The following OSMR variants were observed in gnomAD, a reference collection of about 807,000 sequenced individuals.
OSMR encodes oncostatin M receptor, also known as oncostatin-M-specific receptor subunit beta.
In OSMR, 81 loss-of-function variants were observed where a neutral mutation model predicts 99.9. The ratio of observed to expected loss-of-function variants is 0.81; its 90% CI spans 0.68 to 0.97. The LOEUF (loss-of-function observed/expected upper bound fraction) is 0.97. Among genes scored for constraint, OSMR ranks in the 50% least tolerant of loss-of-function variants. The pLI, the probability that OSMR is intolerant of heterozygous loss-of-function variation, is 0.00. For synonymous variants in OSMR, 406 were observed against 410.4 expected (o/e 0.99, Z 0.13); for missense variants, 1,099 against 1,153.4 (o/e 0.95, Z 0.68).
chr5:38,921,949 G>C (rs1746256297), intron 12 of OSMR, among the ~76,000 whole-genome samples, 155 bp downstream of exon 12: 1 of 152,184 alleles, frequency 6.6e-6, no homozygotes, highest in African/African-American at 2.4e-5. Flanking sequence ...GATGTTACAA[G>C]AATATGTTCT....
chr5:38,861,967 G>T (rs1253802492), intron 1 of OSMR, among the ~76,000 whole-genome samples: 2 of 131,900 alleles, frequency 1.5e-5, no homozygotes, highest in Admixed American at 1.4e-4. Context: ...TGGCCGGGCG[G>T]GGGACTGACC....
At chr5:38,893,676 G>A (rs192134803) in intron 7 of OSMR, among the ~76,000 whole-genome samples, 4 of 152,250 alleles carry the variant, frequency 2.6e-5, no homozygotes, top group Admixed American at 1.3e-4. Context: ...ATGGCATTAT[G>A]TAAAGCCACT....
At chr5:38,930,264 T>C (rs1273776544) in intron 15 of OSMR, among the ~76,000 whole-genome samples, 2 of 152,168 alleles carry the variant, frequency 1.3e-5, no homozygotes, top group Non-Finnish European at 2.9e-5. Flanking sequence ...ATAAAGAGAG[T>C]TTCTTTCCCC....
chr5:38,874,679 C>T (rs1373591589), intron 2 of OSMR, among the ~76,000 whole-genome samples: 2 of 152,258 alleles, frequency 1.3e-5, no homozygotes, highest in South Asian at 4.1e-4. Flanking sequence ...CATTCCATTC[C>T]GTGCAAACTT....
At chr5:38,944,821 C>T (rs1445926725) in intron 2 of OSMR, 8 of 1,271,934 alleles carry the variant, frequency 6.3e-6, no homozygotes, top group Non-Finnish European at 9.1e-6. Flanking sequence ...TTTGAGACAA[C>T]TTTAATTTAC....
At chr5:38,943,513 A>T (rs530239486) in intron 1 of OSMR, among the ~76,000 whole-genome samples, 5 of 151,710 alleles carry the variant, frequency 3.3e-5, no homozygotes, top group South Asian at 4.2e-4. Context: ...TATCACCCTT[A>T]AAAAAAAGCC....
chr5:38,924,616 G>A, intron 14 of OSMR, 21 bp downstream of exon 14: 1 of 1,547,320 alleles, frequency 6.5e-7, no homozygotes, highest in East Asian at 2.2e-5. Flanking sequence ...TTTTTAATTT[G>A]TTTATTTATT....
rs1428283693 is a variant in OSMR at position 38,846,306 on chromosome 5, T to G, written c.-95T>G. ...GCCCGTTCCCCTCCTCGGTGCCGCC[T>G]CTGCCCAGCGTTTGCTTGGCTGGGC... On this transcript the variant is annotated 5_prime_UTR_variant, in exon 1 of 18. Transcript: ENST00000274276. 6.6e-6 allele frequency: 1 copy of G among 152,286 alleles called. No individual in the cohort carries two copies. The highest frequency in any genetic ancestry group is 1.5e-5 in the Non-Finnish European group (1 of 68,080). The allele number at this position is 152,286 out of a possible 1,614,324, so 9.4% of individuals were successfully genotyped here.
intron 6 of OSMR, 54 bp from the exon 7 acceptor site, chr5:38,885,985 T>C (rs1360921698): frequency 6.2e-7 from 1 of 1,603,842 alleles, no homozygotes; most frequent in South Asian, 1.1e-5. Context: ...TACATTTGCT[T>C]TGACAAAAGT....
Position 38,890,627 on chromosome 5 carries a change from G to A in OSMR, c.991+4437G>A, listed in dbSNP as rs181445356. 1.9e-4 allele frequency among the ~76,000 whole-genome samples: 27 copies of A among 143,362 alleles called. No homozygotes were observed. The East Asian group carries it at 2.6e-3, about 14-fold the overall frequency. The allele number at this position is 143,362 out of a possible 152,430, so 94.1% of individuals were successfully genotyped here. A position where few individuals can be genotyped will look rare whatever the true frequency, so the allele number is the denominator to read the frequency against. ...CTTTTTTTTTTTTTTGTCTTATCTT[G>A]GCTGAAATGCCTTAAGAAAAACTTC... On this transcript the variant is annotated intron_variant, in intron 7 of 17. Transcript: ENST00000274276.
intron 2 of OSMR, chr5:38,944,594 A>C: frequency 2.6e-6 from 4 of 1,555,018 alleles, no homozygotes; most frequent in Non-Finnish European, 3.5e-6. Flanking sequence ...GGGAGAAGTT[A>C]AATATTATCT....
Position 38,933,495 on chromosome 5 carries a change from A to C in OSMR, c.*51A>C. 6.2e-7 allele frequency: 1 copy of C among 1,606,694 alleles called. No homozygotes were observed. Among genetic ancestry groups the C allele is most frequent in the Non-Finnish European group, 8.5e-7 (1 of 1,174,780 alleles). ...GCTACACAGACATTAAGAAGAGCAG[A>C]GCTGGCACCCTGTCATCACCAGTGG... On this transcript the variant is annotated 3_prime_UTR_variant, in exon 18 of 18. Transcript: ENST00000274276.
chr5:38,944,774 G>T, intron 2 of OSMR: 2 of 889,782 alleles, frequency 2.2e-6, no homozygotes, highest in African/African-American at 1.7e-5. Flanking sequence ...ATAATTAACA[G>T]TGTTAAATTG....
chr5:38,884,000 T>C lies in OSMR; in HGVS notation c.592T>C (p.Phe198Leu). 1 of 1,613,356 alleles carries C rather than the reference T, an allele frequency of 6.2e-7. No homozygotes were observed. Among genetic ancestry groups the C allele is most frequent in the Non-Finnish European group, 8.5e-7 (1 of 1,179,276 alleles). ...GEQLDPHVTA[F>L]NLNSVPFIRN... is the part of the protein sequence containing the mutation. ...ACAACTTGATCCACATGTAACTGCA[T>C]TCAACTTGAATAGTGTGCCTTTCAT... Residue 198 changes from phenylalanine to leucine, a missense_variant, in exon 5 of 18, where the codon TTC becomes CTC. Physicochemically the swap from Phe to Leu is conservative, Grantham distance 22. Transcript: ENST00000274276.
intron 1 of OSMR, among the ~76,000 whole-genome samples, chr5:38,865,358 G>T (rs1168096799): frequency 6.6e-6 from 1 of 152,138 alleles, no homozygotes; most frequent in Non-Finnish European, 1.5e-5. Flanking sequence ...TGAAAGAGTT[G>T]CTGTTTGTAA....
chr5:38,898,328 G>A (rs994693996), intron 7 of OSMR, among the ~76,000 whole-genome samples: 12 of 152,084 alleles, frequency 7.9e-5, no homozygotes, highest in Non-Finnish European at 1.8e-4. Flanking sequence ...TTGCTGGATT[G>A]ACCCCTTTAT....
At chr5:38,936,238 T>A (rs1397448807), downstream of OSMR, among the ~76,000 whole-genome samples, 2 of 152,084 alleles carry the variant, frequency 1.3e-5, no homozygotes, top group African/African-American at 4.8e-5. Flanking sequence ...CGCTTTCTCC[T>A]CACATTGTTT....
intron 1 of OSMR, among the ~76,000 whole-genome samples, chr5:38,861,375 CG>C (rs1561337094): frequency 6.6e-6 from 1 of 151,962 alleles, no homozygotes; most frequent in Non-Finnish European, 1.5e-5. Context: ...CATCTTGCAC[CG>C]CCCTTAATCC....
intron 9 of OSMR, among the ~76,000 whole-genome samples, chr5:38,908,667 A>G (rs1745393854): frequency 6.6e-6 from 1 of 152,190 alleles, no homozygotes. Flanking sequence ...TTGGCCCCTT[A>G]AAATCTTCCA....
Sources: gnomAD v4.1 joint callset for allele counts (sites outside exome capture counted in the v4.1 genomes callset) on GRCh38, gnomAD v4.1.1 for gene constraint, MANE v1.5 for transcripts, NCBI Gene and HGNC (gene_info 2026-07-23, HGNC 2026-07-21) for gene names.